Variants in HIF1AN observed in about 807,000 individuals in gnomAD.
The protein encoded by HIF1AN is hypoxia-inducible factor 1-alpha inhibitor.
Under a neutral mutation model 47.7 loss-of-function variants are expected in HIF1AN, and 21 were observed. The ratio of observed to expected loss-of-function variants is 0.44; its 90% CI spans 0.31 to 0.63. The LOEUF (loss-of-function observed/expected upper bound fraction) is 0.63, where lower values mean the gene tolerates loss of function less well. Ranked by LOEUF, HIF1AN falls within the 30% of genes least tolerant of loss-of-function variation. The pLI is 0.07. For missense variants in HIF1AN, 320 were observed against 432.7 expected, an observed-to-expected ratio of 0.74 and a Z score of 2.31; for synonymous variants, 152 against 155.9, an observed-to-expected ratio of 0.98 and a Z score of 0.18.
intron 6 of HIF1AN, 43 bp from the exon 7 acceptor site, chr10:100,547,097 C>T: frequency 7.2e-7 from 1 of 1,387,266 alleles, no homozygotes; most frequent in South Asian, 1.2e-5. Context: ...GACACTGACG[C>T]CTGCTGCTAA....
In HIF1AN at chr10:100,546,440, G is replaced by A; in HGVS notation, c.831-78G>A. The A allele has an allele frequency of 4.0e-6, 3 of 750,770 alleles. 1 individual carries two copies. In the South Asian group the frequency reaches 4.6e-5, roughly 11 times the overall value. The allele number at this position is 750,770 out of a possible 1,614,324, so 46.5% of individuals were successfully genotyped here. ...CCACCTAGTTTTTCAGCCCAACCCT[G>A]CCACCCCCCCGCACTTCGCCCCTCC... On this transcript the variant is annotated intron_variant, in intron 5 of 7. Transcript: ENST00000299163.
rs575703054 is a variant in HIF1AN at position 100,550,269 on chromosome 10, C to G, written c.*2132C>G. ...GGGAGGGAGAAGGCTAATCTTGGAA[C>G]CTTCACAGGATTGGCCTTGATCCTT... On this transcript the variant is annotated 3_prime_UTR_variant, in exon 8 of 8. Transcript: ENST00000299163. The G allele has an allele frequency of 6.6e-6, 1 of 152,178 alleles. No individual in the cohort carries two copies. Among genetic ancestry groups the G allele is most frequent in the African/African-American group, 2.4e-5 (1 of 41,436 alleles). 9.4% of individuals were successfully genotyped at this position (152,178 alleles called of 1,614,324 possible).
chr10:100,537,845 A>T (rs937690541), intron 2 of HIF1AN, among the ~76,000 whole-genome samples: 8 of 152,234 alleles, frequency 5.3e-5, no homozygotes, highest in Non-Finnish European at 1.0e-4. Context: ...CTTAACACTT[A>T]GCAGTTGTCA....
rs1393335130 is a variant in HIF1AN, at chr10:100,536,132, T to G, written c.174T>G (p.Asn58Lys). 1.3e-6 allele frequency: 2 copies of G among 1,593,756 alleles called. No homozygotes were observed. The highest frequency in any genetic ancestry group is 2.2e-5 in the South Asian group (2 of 89,108). The change falls in exon 1 of 8, where the codon AAT becomes AAG. Residue 58 changes from asparagine (N) to lysine (K), a missense_variant. Physicochemically the swap from Asn to Lys is moderately conservative, Grantham distance 94 (BLOSUM62 0). Coordinates refer to ENST00000299163, the MANE Select transcript of HIF1AN (RefSeq NM_017902.3). ...CCCGGGCAGAGGAGCTTATTGAGAA[T>G]GAGGTGGGGGGCGGGGCCGCGTCTA... ...SDPRAEELIE[N>K]EEPVVLTDTN...
chr10:100,543,842 A>G (rs188742217), intron 3 of HIF1AN, among the ~76,000 whole-genome samples: 2 of 152,330 alleles, frequency 1.3e-5, no homozygotes, highest in East Asian at 3.9e-4. Context: ...AAGTGCTGGC[A>G]TTACAGGCGT....
At chr10:100,536,721 C>T (rs1453908213) in intron 2 of HIF1AN, 60 bp downstream of exon 2, 1 of 1,587,520 alleles carries the variant, frequency 6.3e-7, no homozygotes, top group Non-Finnish European at 8.6e-7. Context: ...CTTTCCTATA[C>T]TTGTTTGAAG....
rs1843203399 is a variant in HIF1AN, at chr10:100,555,025, T to G, written c.*6888T>G. Reference sequence around the variant, plus strand: ...GGTGTATAGAGGAGAAGCATTGCACTATGTCCAGTTTTTTATGGTAGGCTT... The same window carrying G: ...GGTGTATAGAGGAGAAGCATTGCACGATGTCCAGTTTTTTATGGTAGGCTT... On this transcript the variant is annotated 3_prime_UTR_variant, in exon 8 of 8. Transcript: ENST00000299163. 1 of 152,148 alleles carries G rather than the reference T, an allele frequency of 6.6e-6. No homozygotes were observed. The highest frequency in any genetic ancestry group is 2.1e-4 in the South Asian group (1 of 4,834). The allele number at this position is 152,148 out of a possible 1,614,324, so 9.4% of individuals were successfully genotyped here. A position where few individuals can be genotyped will look rare whatever the true frequency, so the allele number is the denominator to read the frequency against.
intron 7 of HIF1AN, 55 bp downstream of exon 7, chr10:100,547,305 A>G: frequency 9.6e-7 from 1 of 1,040,314 alleles, no homozygotes; most frequent in Non-Finnish European, 1.5e-6. Flanking sequence ...GAAAGTCAGG[A>G]TCAGAGCGAC....
At chr10:100,545,914 A>G (rs1843088991) in intron 4 of HIF1AN, 29 bp from the exon 5 acceptor site, 1 of 1,470,358 alleles carries the variant, frequency 6.8e-7, no homozygotes, top group Non-Finnish European at 9.5e-7. Flanking sequence ...GGTGATTGAT[A>G]TTTTTTTTCT....
Position 100,554,253 on chromosome 10 carries a change from T to A in HIF1AN, c.*6116T>A, listed in dbSNP as rs1843194851. The A allele has an allele frequency of 6.6e-6, 1 of 152,194 alleles. No individual in the cohort carries two copies. The highest frequency in any genetic ancestry group is 1.5e-5 in the Non-Finnish European group (1 of 68,058). 9.4% of individuals were successfully genotyped at this position (152,194 alleles called of 1,614,324 possible). ...GAGTCCTTATTATACCTGGAGAAGC[T>A]GTTGTCTCCTCACACCATGAAATGT... On this transcript the variant is annotated 3_prime_UTR_variant, in exon 8 of 8. Transcript: ENST00000299163.
At chr10:100,546,479 G>T (rs758814655) in intron 5 of HIF1AN, 39 bp from the exon 6 acceptor site, 1 of 1,210,048 alleles carries the variant, frequency 8.3e-7, no homozygotes, top group East Asian at 2.6e-5. Flanking sequence ...CCCGCCAAAA[G>T]TATCAGTAGT....
rs1843155012 is a variant in HIF1AN, at chr10:100,551,208, A to T, written c.*3071A>T. Reference sequence around the variant, plus strand: ...TGGGGGAGACCAGCTTCCCCTACAAATCAGAGCTCTAAATTACAAGGTTTT... The same window carrying T: ...TGGGGGAGACCAGCTTCCCCTACAATTCAGAGCTCTAAATTACAAGGTTTT... On this transcript the variant is annotated 3_prime_UTR_variant, in exon 8 of 8. Transcript: ENST00000299163. 1 of 152,222 alleles carries T rather than the reference A, an allele frequency of 6.6e-6. No individual in the cohort carries two copies. Among genetic ancestry groups the T allele is most frequent in the Admixed American group, 6.5e-5 (1 of 15,292 alleles). The allele number at this position is 152,222 out of a possible 1,614,324, so 9.4% of individuals were successfully genotyped here.
At chr10:100,542,473 C>G (rs965353618) in intron 3 of HIF1AN, among the ~76,000 whole-genome samples, 4 of 152,128 alleles carry the variant, frequency 2.6e-5, no homozygotes, top group African/African-American at 9.7e-5. Flanking sequence ...CCCACCTCAG[C>G]CTCCCAAGTA....
chr10:100,547,354 C>G lies in HIF1AN; in HGVS notation c.1005+104C>G, dbSNP rs572518515. ...TCTGTGTTTCAGTGTCTGGTGTCCT[C>G]TCTCTCCATAGAGGTTATGGGTATG... On this transcript the variant is annotated intron_variant, in intron 7 of 7. Coordinates refer to ENST00000299163, the MANE Select transcript of HIF1AN (RefSeq NM_017902.3). The G allele has an allele frequency of 5.5e-6, 4 of 724,066 alleles. No individual in the cohort carries two copies. The Admixed American group carries it at 6.5e-5, about 12-fold the overall frequency. 44.9% of individuals were successfully genotyped at this position (724,066 alleles called of 1,614,324 possible).
Position 100,554,985 on chromosome 10 carries a change from G to C in HIF1AN, c.*6848G>C, listed in dbSNP as rs1843202553. On this transcript the variant is annotated 3_prime_UTR_variant, in exon 8 of 8. Coordinates refer to ENST00000299163, the MANE Select transcript of HIF1AN (RefSeq NM_017902.3). The stretch of plus-strand genomic sequence containing the variant: ...CTCAGATCAGTAGGGGAGACAGGCA[G>C]GCAGTTAGAATTATGGTGTATAGAG... The C allele has an allele frequency of 6.6e-6, 1 of 152,184 alleles. No homozygotes were observed. The highest frequency in any genetic ancestry group is 2.4e-5 in the African/African-American group (1 of 41,410). 9.4% of individuals were successfully genotyped at this position (152,184 alleles called of 1,614,324 possible).
chr10:100,546,105 G>C, intron 5 of HIF1AN, 56 bp downstream of exon 5: 1 of 1,196,502 alleles, frequency 8.4e-7, no homozygotes, highest in Non-Finnish European at 1.2e-6. Flanking sequence ...CCATTCCCTG[G>C]AAAGCCTTGT....
Position 100,542,846 on chromosome 10 carries a change from G to GTTTTTTTTTTTTTTTTTTTTTTTTTTTTT in HIF1AN, c.578-2082_578-2081insTTTTTTTTTTTTTTTTTTTTTTTTTTTTT, listed in dbSNP as rs397730143. Among the ~76,000 whole-genome samples, 2 of 111,762 alleles carry GTTTTTTTTTTTTTTTTTTTTTTTTTTTTT rather than the reference G, an allele frequency of 1.8e-5. 1 individual carries two copies. The allele number at this position is 111,762 out of a possible 152,430, so 73.3% of individuals were successfully genotyped here. On this transcript the variant is annotated intron_variant, in intron 3 of 7. Coordinates refer to ENST00000299163, the MANE Select transcript of HIF1AN (RefSeq NM_017902.3). ...CATACACTAATAAATATGTGAATGT[G>GTTTTTTTTTTTTTTTTTTTTTTTTTTTTT]TTTTTTTTTTTTTTTTTTTTTTTCT...
intron 3 of HIF1AN, among the ~76,000 whole-genome samples, chr10:100,542,604 C>T (rs956883881): frequency 7.2e-5 from 11 of 152,118 alleles, no homozygotes; most frequent in African/African-American, 2.7e-4. Flanking sequence ...ATCCACCTGC[C>T]CCGGCCTCCC....
rs979740754 is a variant in HIF1AN at position 100,555,852 on chromosome 10, G to A, written c.*7715G>A. 4 of 152,226 alleles carry A rather than the reference G, an allele frequency of 2.6e-5. No individual in the cohort carries two copies. The highest frequency in any genetic ancestry group is 1.3e-4 in the Admixed American group (2 of 15,276). The allele number at this position is 152,226 out of a possible 1,614,324, so 9.4% of individuals were successfully genotyped here. ...ATCATCTAAGCTAAGCTTGGGCCAG[G>A]TTTTTATTACCTCTTGAATATATAT... On this transcript the variant is annotated 3_prime_UTR_variant, in exon 8 of 8. Transcript: ENST00000299163.
Sources: allele counts gnomAD v4.1 joint callset (sites outside exome capture counted in the v4.1 genomes callset), GRCh38; gene constraint gnomAD v4.1.1; transcripts MANE v1.5; gene names NCBI Gene and HGNC (gene_info 2026-07-23, HGNC 2026-07-21).